Variants in ARID3C observed in about 807,000 individuals in gnomAD.
ARID3C encodes the protein AT-rich interaction domain 3C.
Under a neutral mutation model 37.9 loss-of-function variants are expected in ARID3C, and 42 were observed. The ratio of observed to expected loss-of-function variants is 1.11; its 90% CI spans 0.87 to 1.43. The LOEUF (loss-of-function observed/expected upper bound fraction) is 1.43. ARID3C is among the 40% of genes most tolerant of loss of function. ARID3C has a pLI of 0.00. For missense variants in ARID3C, 581 were observed against 548.8 expected (o/e 1.06, Z -0.59); for synonymous variants, 213 against 228.0 (o/e 0.93, Z 0.59).
At chr9:34,623,830 C>T (rs1364558123) in intron 3 of ARID3C, 34 bp downstream of exon 4, 2 of 1,461,898 alleles carry the variant, frequency 1.4e-6, no homozygotes, top group Middle Eastern at 1.9e-4. Context: ...CGAACCCGTG[C>T]CCCCTTCCCT....
intron 2 of ARID3C, among the ~76,000 whole-genome samples, chr9:34,624,592 G>C (rs1345627136): frequency 6.6e-6 from 1 of 152,182 alleles, no homozygotes; most frequent in African/African-American, 2.4e-5. Flanking sequence ...GGGGATGACG[G>C]GCGGGAAAAG....
At position 34,627,687 on chromosome 9, in the gene ARID3C, T is replaced by G; in HGVS notation, c.318+10A>C. ...GGAAGAGGGCCGGACATTGAGGGCATAGGTCCTACCTGCTTGAATTGTTCC... is the reference window on the plus strand; with the variant it reads ...GGAAGAGGGCCGGACATTGAGGGCAGAGGTCCTACCTGCTTGAATTGTTCC... On this transcript the variant is annotated intron_variant, in intron 1 of 6. Transcript: ENST00000378909. 1.3e-6 allele frequency: 2 copies of G among 1,589,148 alleles called. No individual in the cohort carries two copies. The highest frequency in any genetic ancestry group is 1.7e-6 in the Non-Finnish European group (2 of 1,166,530).
At chr9:34,629,447 G>A (rs1820703149), upstream of ARID3C, among the ~76,000 whole-genome samples, 1 of 152,250 alleles carries the variant, frequency 6.6e-6, no homozygotes, top group South Asian at 2.1e-4. Context: ...GCCTGGGCAC[G>A]CTGTGATCAA....
chr9:34,631,079 AC>A (rs1820719353), upstream of ARID3C, among the ~76,000 whole-genome samples: 1 of 151,880 alleles, frequency 6.6e-6, no homozygotes, highest in South Asian at 2.1e-4. Flanking sequence ...AATCCACAGA[AC>A]CCTTGTGCCC....
chr9:34,623,814 C>G (rs1421397273), intron 3 of ARID3C, 50 bp downstream of exon 4: 6 of 1,518,462 alleles, frequency 4.0e-6, no homozygotes, highest in East Asian at 2.5e-5. Flanking sequence ...CCCTCCCGCC[C>G]CAGGCCGAAC....
At chr9:34,630,745 G>C (rs1029038511), upstream of ARID3C, among the ~76,000 whole-genome samples, 2 of 152,132 alleles carry the variant, frequency 1.3e-5, no homozygotes, top group Non-Finnish European at 2.9e-5. Flanking sequence ...GCAGCACTAA[G>C]TCCTGGTTCT....
upstream of ARID3C, among the ~76,000 whole-genome samples, chr9:34,632,636 T>G (rs909311067): frequency 2.0e-5 from 3 of 151,812 alleles, no homozygotes; most frequent in African/African-American, 7.3e-5. Flanking sequence ...ATGATTAGAG[T>G]CTGGATATAT....
upstream of ARID3C, among the ~76,000 whole-genome samples, chr9:34,629,305 G>A (rs951669926): frequency 2.0e-5 from 3 of 152,318 alleles, no homozygotes; most frequent in South Asian, 2.1e-4. Flanking sequence ...TCGTGCCCCC[G>A]ACACCCACAC....
chr9:34,623,478 G>C (rs766188876), exon 4 of ARID3C: 3 of 1,540,566 alleles, frequency 1.9e-6, no homozygotes, highest in Non-Finnish European at 2.6e-6. Context: ...TGGCAGGCCG[G>C]AGGTGGAACC....
intron 4 of ARID3C, 149 bp from the exon 6 acceptor site, chr9:34,622,678 G>T (rs1323360457): frequency 2.5e-6 from 2 of 800,884 alleles, no homozygotes; most frequent in Non-Finnish European, 3.7e-6. Context: ...CAGAGCCTCA[G>T]CCTGGAAGCG....
chr9:34,631,101 C>G (rs1429579686), upstream of ARID3C, among the ~76,000 whole-genome samples: 1 of 152,194 alleles, frequency 6.6e-6, no homozygotes, highest in Non-Finnish European at 1.5e-5. Context: ...TGCTTGCTCC[C>G]TTTTCCCCAC....
chr9:34,624,187 TC>T, intron 2 of ARID3C, 140 bp from the exon 4 acceptor site: 7 of 951,732 alleles, frequency 7.4e-6, no homozygotes, highest in Non-Finnish European at 1.0e-5. Flanking sequence ...CCCCAGGGTC[TC>T]TGTTTTAGCA....
chr9:34,623,362 C>T, intron 4 of ARID3C, 63 bp downstream of exon 5: 1 of 1,453,080 alleles, frequency 6.9e-7, no homozygotes, highest in Non-Finnish European at 9.1e-7. Context: ...TTAATGGTTG[C>T]TATATCTTAG....
Position 34,628,003 on chromosome 9 carries a change from C to T in ARID3C, c.12G>A (p.Leu4=). ...CCAGCCGAGCTGCCTGCTGCTTCTGCAGGGCCTCCATGACAGCTTCCAGGC... is the reference window on the plus strand; with the variant it reads ...CCAGCCGAGCTGCCTGCTGCTTCTGTAGGGCCTCCATGACAGCTTCCAGGC... The change falls in exon 1 of 7, where the codon CTG becomes CTA. Residue 4 remains leucine, a synonymous_variant. Transcript: ENST00000378909. This position sits in a 1 kb window ranked among gnomAD's most constrained non-coding sequence, Gnocchi z 5.2. The T allele has an allele frequency of 6.7e-7, 1 of 1,500,480 alleles. No individual in the cohort carries two copies. The highest frequency in any genetic ancestry group is 2.3e-5 in the Admixed American group (1 of 43,174). The allele number at this position is 1,500,480 out of a possible 1,614,324, so 92.9% of individuals were successfully genotyped here. A position where few individuals can be genotyped will look rare whatever the true frequency, so the allele number is the denominator to read the frequency against.
At chr9:34,631,734 CATTT>C (rs1820724806), upstream of ARID3C, among the ~76,000 whole-genome samples, 1 of 152,206 alleles carries the variant, frequency 6.6e-6, no homozygotes, top group Non-Finnish European at 1.5e-5. Context: ...AAAACAAAAA[CATTT>C]ATTTTCTCAC....
downstream of ARID3C, among the ~76,000 whole-genome samples, chr9:34,621,074 C>T (rs753461840): frequency 6.6e-6 from 1 of 152,198 alleles, no homozygotes; most frequent in Non-Finnish European, 1.5e-5. Flanking sequence ...GCTTTATTGT[C>T]TAGATGTGAC....
chr9:34,623,160 A>AAAAT (rs1820599866), intron 4 of ARID3C, among the ~76,000 whole-genome samples: 1 of 151,026 alleles, frequency 6.6e-6, no homozygotes, highest in African/African-American at 2.4e-5. Flanking sequence ...AAAAAAAAAA[A>AAAAT]AAAGAAAAAA....
rs759890577 is a variant in ARID3C at position 34,623,863 on chromosome 9, C to A, written c.575+1G>T. On this transcript the variant is annotated splice_donor_variant, in intron 3 of 6. Coordinates refer to ENST00000378909, the Ensembl canonical transcript of ARID3C. LOFTEE classifies it high-confidence loss of function. ...CCTTCCGCTCCCGCCCCTGGCCTCA[C>A]TGGGTGCGTAGAGTGAAGGCGGCCG... 2.5e-6 allele frequency: 4 copies of A among 1,592,438 alleles called. No homozygotes were observed. The highest frequency in any genetic ancestry group is 3.4e-6 in the Non-Finnish European group (4 of 1,174,978).
exon 2 of ARID3C, chr9:34,625,766 G>A (rs772736169): frequency 1.9e-6 from 3 of 1,613,998 alleles, no homozygotes; most frequent in Non-Finnish European, 2.5e-6. Context: ...AAGCTAAACA[G>A]GTCATCCAGA....
Sources: allele counts gnomAD v4.1 joint callset (sites outside exome capture counted in the v4.1 genomes callset), GRCh38; gene constraint gnomAD v4.1.1; non-coding constraint Gnocchi (gnomAD v3.1); transcripts MANE v1.5; gene names NCBI Gene and HGNC (gene_info 2026-07-23, HGNC 2026-07-21).